NPEPL1: variants seen among roughly 807,000 people sequenced by gnomAD.
The protein encoded by NPEPL1 is probable aminopeptidase NPEPL1.
Under a neutral mutation model 52.4 loss-of-function variants are expected in NPEPL1, and 45 were observed. The observed-to-expected ratio is 0.86, with a 90% confidence interval of 0.68 to 1.10. The LOEUF is 1.10. NPEPL1 is among the 50% of genes least tolerant of loss of function. NPEPL1 has a pLI of 0.00. For missense variants in NPEPL1, 696 were observed against 710.9 expected, an observed-to-expected ratio of 0.98 and a Z score of 0.24; for synonymous variants, 360 against 314.7, an observed-to-expected ratio of 1.14 and a Z score of -1.52.
At chr20:58,696,001 G>C (rs2084482973) in intron 3 of NPEPL1, among the ~76,000 whole-genome samples, 1 of 152,132 alleles carries the variant, frequency 6.6e-6, no homozygotes, top group African/African-American at 2.4e-5. Context: ...GTTCCGACCT[G>C]CTCAGCCCTC....
intron 3 of NPEPL1, among the ~76,000 whole-genome samples, chr20:58,695,694 C>T (rs1042719158): frequency 6.6e-6 from 1 of 152,250 alleles, no homozygotes; most frequent in Non-Finnish European, 1.5e-5. Context: ...CCTGTAACCA[C>T]TGCCCCTCAA....
upstream of NPEPL1, among the ~76,000 whole-genome samples, chr20:58,690,410 A>C (rs944774005): frequency 6.6e-6 from 1 of 152,236 alleles, no homozygotes; most frequent in Non-Finnish European, 1.5e-5. Flanking sequence ...ATGGATTAAT[A>C]CCTTCATAAA....
chr20:58,691,331 G>C (rs1225129439), upstream of NPEPL1: 3 of 544,342 alleles, frequency 5.5e-6, no homozygotes, highest in Non-Finnish European at 9.7e-6. Context: ...AAAGCTGAGG[G>C]TTTCAAAGGA....
At chr20:58,701,948 CCCT>C (rs2084633804) in intron 6 of NPEPL1, among the ~76,000 whole-genome samples, 1 of 152,190 alleles carries the variant, frequency 6.6e-6, no homozygotes, top group Admixed American at 6.5e-5. Context: ...GCAAGCCCTG[CCCT>C]CCTCCGCACC....
At chr20:58,691,727 G>A, upstream of NPEPL1, 1 of 663,078 alleles carries the variant, frequency 1.5e-6, no homozygotes, top group South Asian at 2.1e-5. Context: ...TTTTTAGGCT[G>A]GTTATGAAGA....
rs754462489 is a variant in NPEPL1 at position 58,715,294 on chromosome 20, G to A, written c.1540G>A (p.Gly514Arg). 3.3e-5 allele frequency: 53 copies of A among 1,610,842 alleles called. No individual in the cohort carries two copies. Among genetic ancestry groups the A allele is most frequent in the Non-Finnish European group, 4.4e-5 (52 of 1,178,976 alleles). The change falls in exon 12 of 12, where the codon GGG becomes AGG. Residue 514 changes from glycine to arginine, a missense_variant. Transcript: ENST00000356091. ...GGTGGATGTCGAGGAGGGGGACCTG[G>A]GGAGGGACTCCAAGAGACGCAGGCT... ...CEVDVEEGDL[G>R]RDSKRRRLV is the part of the protein sequence containing the mutation.
intron 1 of NPEPL1, 65 bp from the exon 2 acceptor site, chr20:58,693,672 C>A: frequency 6.9e-7 from 1 of 1,458,090 alleles, no homozygotes; most frequent in Non-Finnish European, 9.4e-7. Context: ...GGCTGCAGGG[C>A]AGGGCCTCCT....
intron 1 of NPEPL1, 50 bp from the exon 2 acceptor site, chr20:58,693,687 C>T (rs776657401): frequency 3.3e-6 from 5 of 1,525,456 alleles, no homozygotes; most frequent in Non-Finnish European, 4.5e-6. Flanking sequence ...CCTCCTGGCA[C>T]GTGGCCGCTG....
Position 58,715,552 on chromosome 20 carries a change from G to T in NPEPL1, c.*226G>T, listed in dbSNP as rs558552322. On this transcript the variant is annotated 3_prime_UTR_variant, in exon 12 of 12. Transcript: ENST00000356091. ...GCTTGTTTCTGTTTGTTACTTACAG[G>T]ACTGAGACATCTTCTGTAAACTGCT... 24 of 482,180 alleles carry T rather than the reference G, an allele frequency of 5.0e-5. No individual in the cohort carries two copies. The highest frequency in any genetic ancestry group is 8.3e-5 in the Non-Finnish European group (23 of 276,158). 29.9% of individuals were successfully genotyped at this position (482,180 alleles called of 1,614,324 possible).
intron 7 of NPEPL1, 52 bp from the exon 8 acceptor site, chr20:58,712,427 C>T (rs539113102): frequency 2.4e-6 from 3 of 1,267,454 alleles, no homozygotes; most frequent in Admixed American, 3.4e-5. Context: ...GTCCTCCCCC[C>T]TCCCCAAACC....
At position 58,699,259 on chromosome 20, in the gene NPEPL1, G is replaced by T; in HGVS notation, c.660G>T (p.Leu220=). ...CAACCATCATCCGGGATGAGGAACT[G>T]AAGACGAGAGGATTTGGAGGTGGGT... ...IIPTIIRDEE[L]KTRGFGGIYG... is the part of the protein sequence containing the mutation. The change falls in exon 5 of 12, where the codon CTG becomes CTT. Residue 220 remains leucine, a synonymous_variant. Coordinates refer to ENST00000356091, the MANE Select transcript of NPEPL1 (RefSeq NM_024663.4). 6.2e-7 allele frequency: 1 copy of T among 1,607,094 alleles called. No homozygotes were observed. Among genetic ancestry groups the T allele is most frequent in the South Asian group, 1.1e-5 (1 of 89,472 alleles).
intron 6 of NPEPL1, among the ~76,000 whole-genome samples, chr20:58,706,845 G>A (rs540107432): frequency 2.6e-5 from 4 of 152,344 alleles, no homozygotes; most frequent in African/African-American, 9.6e-5. Context: ...CCCCCTCCGT[G>A]CAGTTACTGT....
chr20:58,701,116 A>T lies in NPEPL1; in HGVS notation c.780A>T (p.Lys260Asn). The change falls in exon 6 of 12, where the codon AAA becomes AAT. Residue 260 changes from lysine to asparagine, a missense_variant. Coordinates refer to ENST00000356091, the MANE Select transcript of NPEPL1 (RefSeq NM_024663.4). ...CGCAGACCATCGCCTGGGTGGGCAA[A>T]GGCATCGTCTATGACACTGGAGGCC... The part of the protein sequence containing the change: ...GATQTIAWVG[K>N]GIVYDTGGLS... 6.3e-7 allele frequency: 1 copy of T among 1,588,912 alleles called. No individual in the cohort carries two copies. Among genetic ancestry groups the T allele is most frequent in the Non-Finnish European group, 8.6e-7 (1 of 1,168,610 alleles).
Position 58,713,971 on chromosome 20 carries a change from G to A in NPEPL1, c.1180G>A (p.Glu394Lys). Residue 394 changes from glutamate to lysine, a missense_variant, in exon 10 of 12, where the codon GAG becomes AAG. By Grantham distance (56) the Glu-to-Lys change is moderately conservative. Transcript: ENST00000356091. This position sits in a 1 kb window ranked among gnomAD's most constrained non-coding sequence, Gnocchi z 4.6. ...GGTGCTCACCAACAGCGCTGAGTGG[G>A]AGGCCGCCTGTGTGAAGGCGGGCAG... The part of the protein sequence containing the change: ...AAVLTNSAEW[E>K]AACVKAGRKC... The A allele has an allele frequency of 6.6e-7, 1 of 1,523,152 alleles. No homozygotes were observed. The highest frequency in any genetic ancestry group is 8.8e-7 in the Non-Finnish European group (1 of 1,138,558). The allele number at this position is 1,523,152 out of a possible 1,614,324, so 94.4% of individuals were successfully genotyped here.
chr20:58,699,179 T>C lies in NPEPL1; in HGVS notation c.598-18T>C, dbSNP rs368743920. The C allele has an allele frequency of 7.1e-5, 112 of 1,575,890 alleles. 1 individual carries two copies. Among genetic ancestry groups the C allele is most frequent in the Non-Finnish European group, 9.5e-5 (110 of 1,160,012 alleles). ...TCATGTGTTGTTGTGCTGTTGTTTT[T>C]TCCATGAACATGTCCAGGAGATTAA... On this transcript the variant is annotated intron_variant, in intron 4 of 11. Transcript: ENST00000356091.
Position 58,694,539 on chromosome 20 carries a change from G to T in NPEPL1, c.454G>T (p.Glu152Ter). Reference protein sequence around the residue: ...RRLEKKTVTVEFFLVGQDNGP... With the variant: ...RRLEKKTVTV ...CTTGGAGAAGAAGACGGTCACCGTG[G>T]AGTTTTTCCTGGTGGGACAAGACAA... The change falls in exon 3 of 12, where the codon GAG becomes TAG. Residue 152 changes from glutamate to a stop codon, truncating the protein, a stop_gained. Transcript: ENST00000356091. LOFTEE classifies it high-confidence loss of function. 1 of 1,614,026 alleles carries T rather than the reference G, an allele frequency of 6.2e-7. No individual in the cohort carries two copies. Among genetic ancestry groups the T allele is most frequent in the Non-Finnish European group, 8.5e-7 (1 of 1,179,886 alleles).
upstream of NPEPL1, chr20:58,689,287 C>G (rs1799110156): frequency 6.6e-6 from 1 of 151,916 alleles, no homozygotes; most frequent in African/African-American, 2.4e-5. Flanking sequence ...TTTGTAGAGA[C>G]AGAGTCTCTG....
chr20:58,700,867 C>CAGGGGCAGGAGA, intron 5 of NPEPL1, 149 bp from the exon 6 acceptor site: 4 of 687,304 alleles, frequency 5.8e-6, no homozygotes, highest in South Asian at 3.1e-5. Flanking sequence ...CCACACTGGC[C>CAGGGGCAGGAGA]AGGGGCAGGA....
Position 58,693,871 on chromosome 20 carries a change from C to A in NPEPL1, c.285C>A (p.Ile95=). 6.2e-7 allele frequency: 1 copy of A among 1,613,328 alleles called. No homozygotes were observed. The highest frequency in any genetic ancestry group is 8.5e-7 in the Non-Finnish European group (1 of 1,179,660). Residue 95 remains isoleucine (I), a synonymous_variant, in exon 2 of 12, where the codon ATC becomes ATA. Transcript: ENST00000356091. The part of the protein sequence containing the change: ...RHNSPSAAHF[I]TRLVRTCLPP... The stretch of plus-strand genomic sequence containing the variant: ...ACAGCCCCTCGGCCGCCCACTTCAT[C>A]ACGCGGCTGGTGCGGACCTGCCTGC...
Sources: allele counts gnomAD v4.1 joint callset (sites outside exome capture counted in the v4.1 genomes callset), GRCh38; gene constraint gnomAD v4.1.1; non-coding constraint Gnocchi (gnomAD v3.1); transcripts MANE v1.5; gene names NCBI Gene and HGNC (gene_info 2026-07-23, HGNC 2026-07-21).